The following POMGNT1 variants were observed in gnomAD, a reference collection of about 807,000 sequenced individuals.
The protein encoded by POMGNT1 is protein O-linked mannose N-acetylglucosaminyltransferase 1 (beta 1,2-), also known as protein O-linked-mannose beta-1,2-N-acetylglucosaminyltransferase 1.
Under a neutral mutation model 95.6 loss-of-function variants are expected in POMGNT1, and 67 were observed. That is an observed-to-expected ratio of 0.70 (90% CI 0.58 to 0.86). The LOEUF is 0.86. Among genes scored for constraint, POMGNT1 ranks in the 40% least tolerant of loss-of-function variants. The pLI is 0.00. For missense variants in POMGNT1, 719 were observed against 855.2 expected, an observed-to-expected ratio of 0.84 and a Z score of 1.99; for synonymous variants, 298 against 317.9, an observed-to-expected ratio of 0.94 and a Z score of 0.66.
At chr1:46,193,063 G>C (rs765932101) in intron 13 of POMGNT1, 105 bp from the exon 14 acceptor site, 5 of 1,602,432 alleles carry the variant, frequency 3.1e-6, no homozygotes, top group Non-Finnish European at 4.3e-6. Context: ...CCATTTTCCA[G>C]ATGTGAAGGA....
rs989455799 is a variant in POMGNT1 at position 46,191,993 on chromosome 1, AG to A, written c.1539+104del. The A allele has an allele frequency of 9.6e-6, 14 of 1,465,366 alleles. No homozygotes were observed. The African/African-American group carries it at 1.5e-4, about 16-fold the overall frequency. 90.8% of individuals were successfully genotyped at this position (1,465,366 alleles called of 1,614,324 possible). A position where few individuals can be genotyped will look rare whatever the true frequency, so the allele number is the denominator to read the frequency against. On this transcript the variant is annotated intron_variant, in intron 17 of 21. Coordinates refer to ENST00000371984, the MANE Select transcript of POMGNT1 (RefSeq NM_017739.4). ...CAAAAATAGGATAGCTCTTTCCCCAAGGTTACATGGCTAGCAAGTAGCAGAG... is the reference window on the plus strand; with the variant it reads ...CAAAAATAGGATAGCTCTTTCCCCAAGTTACATGGCTAGCAAGTAGCAGAG...
rs141982741 is a variant in POMGNT1, at chr1:46,216,043, C to CTTTTTTTTTTTTTT, written c.-51+3648_-51+3661dup. Among the ~76,000 whole-genome samples, 233 of 92,542 alleles carry CTTTTTTTTTTTTTT rather than the reference C, an allele frequency of 2.5e-3. 1 individual carries two copies. Among genetic ancestry groups the CTTTTTTTTTTTTTT allele is most frequent in the Non-Finnish European group, 3.2e-3 (164 of 52,056 alleles). 60.7% of individuals were successfully genotyped at this position (92,542 alleles called of 152,430 possible). The stretch of plus-strand genomic sequence containing the variant: ...AAAATAATTTCAACTTTTATTTTAT[C>CTTTTTTTTTTTTTT]TTTTTTTTTTTTTTTTTTTTTTTGT... On this transcript the variant is annotated intron_variant, in intron 1 of 22. Transcript: ENST00000371992.
rs1409355569 is a variant in POMGNT1, at chr1:46,189,071, T to C, written c.*199A>G. 3 of 1,519,484 alleles carry C rather than the reference T, an allele frequency of 2.0e-6. No individual in the cohort carries two copies. Among genetic ancestry groups the C allele is most frequent in the Admixed American group, 2.2e-5 (1 of 46,420 alleles). The allele number at this position is 1,519,484 out of a possible 1,614,324, so 94.1% of individuals were successfully genotyped here. On this transcript the variant is annotated 3_prime_UTR_variant, in exon 22 of 22. Transcript: ENST00000371984. ...CTCCTGCCCTTCTCCAACAAGGAAGTAAATAAATAGACTTTTAACTCAGGA... is the reference window on the plus strand; with the variant it reads ...CTCCTGCCCTTCTCCAACAAGGAAGCAAATAAATAGACTTTTAACTCAGGA...
intron 17 of POMGNT1, 153 bp from the exon 18 acceptor site, chr1:46,190,937 G>T: frequency 1.4e-6 from 1 of 729,860 alleles, no homozygotes. Flanking sequence ...CCTCTTTGCA[G>T]CATCCTCAGC....
intron 1 of POMGNT1, among the ~76,000 whole-genome samples, chr1:46,214,438 C>A (rs12126187): frequency 0.14 from 20,500 of 151,720 alleles, 1,627 homozygotes; most frequent in Admixed American, 0.22. Flanking sequence ...TTAAGCATAT[C>A]CTTAAAGAGA....
intron 1 of POMGNT1, among the ~76,000 whole-genome samples, chr1:46,215,044 G>A (rs1171145155): frequency 6.6e-6 from 1 of 151,880 alleles, no homozygotes; most frequent in Non-Finnish European, 1.5e-5. Flanking sequence ...GGCTAACATG[G>A]TGAAACCCTG....
intron 1 of POMGNT1, among the ~76,000 whole-genome samples, chr1:46,212,273 C>A (rs545832241): frequency 6.6e-6 from 1 of 151,778 alleles, no homozygotes; most frequent in African/African-American, 2.4e-5. Flanking sequence ...ACATAAACAA[C>A]CATGTAAATT....
chr1:46,194,186 T>C, intron 9 of POMGNT1, 88 bp downstream of exon 9: 1 of 1,608,362 alleles, frequency 6.2e-7, no homozygotes, highest in Non-Finnish European at 8.5e-7. Context: ...CAGGCTCAGG[T>C]AGGGAAAGCC....
At position 46,188,782 on chromosome 1, in the gene POMGNT1, G is replaced by A. The variant is rs1176467345; in HGVS notation, c.*488C>T. On this transcript the variant is annotated 3_prime_UTR_variant, in exon 22 of 22. Transcript: ENST00000371984. ...GAGGAGGCCTGGTCCAGTGTCTAAG[G>A]GTCTCTGAGTGAGTCTGTGTCAGCA... 2.5e-6 allele frequency: 4 copies of A among 1,612,882 alleles called. No individual in the cohort carries two copies. The highest frequency in any genetic ancestry group is 2.2e-5 in the South Asian group (2 of 91,078).
Position 46,189,259 on chromosome 1 carries a change from TGGA to T in POMGNT1, c.*8_*10del, listed in dbSNP as rs780919404. The T allele has an allele frequency of 1.9e-6, 3 of 1,612,570 alleles. No individual in the cohort carries two copies. Among genetic ancestry groups the T allele is most frequent in the Non-Finnish European group, 2.5e-6 (3 of 1,179,274 alleles). ...CACAGTACCCAGCCCCGCAGGGTCC[TGGA>T]GGAGGTCTCATGTCTGTTCTGGGGC... On this transcript the variant is annotated 3_prime_UTR_variant, in exon 22 of 22. Coordinates refer to ENST00000371984, the MANE Select transcript of POMGNT1 (RefSeq NM_017739.4).
At chr1:46,191,766 C>T (rs1355272857) in intron 17 of POMGNT1, 1 of 355,260 alleles carries the variant, frequency 2.8e-6, no homozygotes, top group Non-Finnish European at 5.5e-6. Flanking sequence ...TCCCAAGTAG[C>T]TGGGACTACA....
In POMGNT1 at chr1:46,193,224, G is replaced by T. The variant is rs757533535; in HGVS notation, c.1111-9C>A. The T allele has an allele frequency of 6.2e-7, 1 of 1,614,170 alleles. No individual in the cohort carries two copies. The highest frequency in any genetic ancestry group is 8.5e-7 in the Non-Finnish European group (1 of 1,180,040). On this transcript the variant is annotated splice_polypyrimidine_tract_variant and intron_variant, in intron 12 of 21. Transcript: ENST00000371984. Reference sequence around the variant, plus strand: ...AGGCTGGCCTTGTAGTGCTGGGAGTGGGGTGGGAATAGGGCACATGAGCTT... The same window carrying T: ...AGGCTGGCCTTGTAGTGCTGGGAGTTGGGTGGGAATAGGGCACATGAGCTT...
chr1:46,211,210 C>T (rs370952967), intron 1 of POMGNT1, among the ~76,000 whole-genome samples: 3 of 152,108 alleles, frequency 2.0e-5, no homozygotes, highest in African/African-American at 2.4e-5. Flanking sequence ...TCTTATTGGC[C>T]TCTCTCTGCG....
Position 46,194,652 on chromosome 1 carries a change from C to T in POMGNT1, c.653-1G>A. 2 of 1,614,256 alleles carry T rather than the reference C, an allele frequency of 1.2e-6. No individual in the cohort carries two copies. Among genetic ancestry groups the T allele is most frequent in the Non-Finnish European group, 1.7e-6 (2 of 1,180,034 alleles). On this transcript the variant is annotated splice_acceptor_variant, in intron 7 of 21. Coordinates refer to ENST00000371984, the MANE Select transcript of POMGNT1 (RefSeq NM_017739.4). LOFTEE classifies it high-confidence loss of function. ...GAATGTTTCTCCCCGAAGACAGGAC[C>T]TGGCAGGAGGCAGGAATGAGGGCCA...
intron 1 of POMGNT1, among the ~76,000 whole-genome samples, chr1:46,207,777 A>G (rs1366416927): frequency 6.7e-6 from 1 of 150,230 alleles, no homozygotes; most frequent in African/African-American, 2.5e-5. Context: ...TGACCTCGTG[A>G]TCTGCCTGCC....
Position 46,193,289 on chromosome 1 carries a change from C to T in POMGNT1, c.1110+16G>A. The T allele has an allele frequency of 6.2e-7, 1 of 1,613,884 alleles. No homozygotes were observed. Among genetic ancestry groups the T allele is most frequent in the Non-Finnish European group, 8.5e-7 (1 of 1,179,922 alleles). On this transcript the variant is annotated intron_variant, in intron 12 of 21. Transcript: ENST00000371984. Reference sequence around the variant, plus strand: ...GAGCCAGGTGTCTGCCCCATCCCCACTTGCCTATGCAGTACCTGAGACACG... The same window carrying T: ...GAGCCAGGTGTCTGCCCCATCCCCATTTGCCTATGCAGTACCTGAGACACG...
intron 6 of POMGNT1, 74 bp from the exon 7 acceptor site, chr1:46,195,035 T>C: frequency 7.6e-7 from 1 of 1,316,728 alleles, no homozygotes; most frequent in Non-Finnish European, 1.1e-6. Context: ...GCACGAACTA[T>C]GTAGCAACCT....
At chr1:46,212,731 C>G (rs531236423) in intron 1 of POMGNT1, among the ~76,000 whole-genome samples, 1 of 152,008 alleles carries the variant, frequency 6.6e-6, no homozygotes. Flanking sequence ...CAAGAGCCAC[C>G]ATGCTTGGCT....
Position 46,194,854 on chromosome 1 carries a change from T to A in POMGNT1, c.642A>T (p.Gly214=), listed in dbSNP as rs1311826974. ...LGWRDTWAFV[G]RKGGPVFGEK... ...CTCTGATGCCGGCACCTCCTTTTCG[T>A]CCCACGAAGGCCCATGTGTCCCTCC... The change falls in exon 7 of 22, where the codon GGA becomes GGT. Residue 214 remains glycine, a synonymous_variant. Coordinates refer to ENST00000371984, the MANE Select transcript of POMGNT1 (RefSeq NM_017739.4). 1 of 1,613,984 alleles carries A rather than the reference T, an allele frequency of 6.2e-7. No individual in the cohort carries two copies. The highest frequency in any genetic ancestry group is 1.1e-5 in the South Asian group (1 of 91,074).
Sources: gnomAD v4.1 joint callset for allele counts (sites outside exome capture counted in the v4.1 genomes callset) on GRCh38, gnomAD v4.1.1 for gene constraint, MANE v1.5 for transcripts, NCBI Gene and HGNC (gene_info 2026-07-23, HGNC 2026-07-21) for gene names.